The following NASP variants were observed in gnomAD, a reference collection of about 807,000 sequenced individuals.
NASP encodes the protein nuclear autoantigenic sperm protein, also known as NASP histone chaperone.
In NASP, 24 loss-of-function variants were observed where a neutral mutation model predicts 89.5. The observed-to-expected ratio is 0.27, with a 90% confidence interval of 0.19 to 0.38. NASP has a LOEUF of 0.38. NASP is among the 10% of genes least tolerant of loss of function. The pLI is 1.00. For synonymous variants in NASP, 306 were observed against 324.7 expected, an observed-to-expected ratio of 0.94 and a Z score of 0.62; for missense variants, 848 against 921.4, an observed-to-expected ratio of 0.92 and a Z score of 1.03.
At chr1:45,594,973 G>A (rs1213884494) in intron 2 of NASP, among the ~76,000 whole-genome samples, 3 of 152,036 alleles carry the variant, frequency 2.0e-5, no homozygotes, top group Non-Finnish European at 2.9e-5. Flanking sequence ...CCCATTCTGC[G>A]GAACTGCTTA....
Position 45,617,447 on chromosome 1 carries a change from A to G in NASP, c.2158-16A>G. ...CATTAAGCACATTTGTGAAGCCTTC[A>G]CAATTATATCTTTAGAGGAAACCAG... On this transcript the variant is annotated splice_polypyrimidine_tract_variant and intron_variant, in intron 13 of 14. Transcript: ENST00000350030. 6.2e-7 allele frequency: 1 copy of G among 1,607,262 alleles called. No homozygotes were observed. The highest frequency in any genetic ancestry group is 1.3e-5 in the African/African-American group (1 of 74,454).
At position 45,606,508 on chromosome 1, in the gene NASP, C is replaced by T. The variant is rs910075101; in HGVS notation, c.326C>T (p.Ala109Val). The T allele has an allele frequency of 6.2e-7, 1 of 1,613,780 alleles. No individual in the cohort carries two copies. Among genetic ancestry groups the T allele is most frequent in the Non-Finnish European group, 8.5e-7 (1 of 1,179,794 alleles). Residue 109 changes from alanine (A) to valine (V), a missense_variant, in exon 5 of 15, where the codon GCC becomes GTC. Physicochemically the swap from Ala to Val is moderately conservative, Grantham distance 64 (BLOSUM62 0). Transcript: ENST00000350030. The stretch of plus-strand genomic sequence containing the variant: ...ATGGAGAATGGTGTGTTGGGAAACG[C>T]CTTGGAAGGTGTGCATGTGGAAGAG... Reference protein sequence around the residue: ...ARMENGVLGNALEGVHVEEEE... With the variant: ...ARMENGVLGNVLEGVHVEEEE...
rs1557656222 is a variant in NASP at position 45,600,282 on chromosome 1, A to G, written c.108-1973A>G. ...TAAAGTAACAATTATGAGTTTCTAC[A>G]TATGTATACACCTGTAAACCATTAT... On this transcript the variant is annotated intron_variant, in intron 2 of 14. Coordinates refer to ENST00000350030, the MANE Select transcript of NASP (RefSeq NM_002482.4). 7 of 629,554 alleles carry G rather than the reference A, an allele frequency of 1.1e-5. No homozygotes were observed. In the African/African-American group the frequency reaches 1.2e-4, roughly 11 times the overall value. The allele number at this position is 629,554 out of a possible 1,614,324, so 39.0% of individuals were successfully genotyped here.
chr1:45,616,513 C>T, intron 12 of NASP, 113 bp from the exon 13 acceptor site: 1 of 1,492,724 alleles, frequency 6.7e-7, no homozygotes. Flanking sequence ...GAATTCAACA[C>T]TAGCTTGGGC....
chr1:45,585,377 CTT>C (rs919235519), intron 1 of NASP, among the ~76,000 whole-genome samples: 2 of 151,992 alleles, frequency 1.3e-5, no homozygotes, highest in Non-Finnish European at 2.9e-5. Flanking sequence ...ATGATTATGT[CTT>C]TGTTTGTTTA....
intron 4 of NASP, 77 bp from the exon 5 acceptor site, chr1:45,606,390 TGCTTTTATAATATAG>T: frequency 1.2e-6 from 1 of 827,020 alleles, no homozygotes; most frequent in Non-Finnish European, 2.0e-6. Flanking sequence ...TTACACTTCT[TGCTTTTATAATATAG>T]GACTGTATTT....
rs112852947 is a variant in NASP, at chr1:45,587,841, C to T, written c.60-3382C>T. The stretch of plus-strand genomic sequence containing the variant: ...GAGACTACAGTTTACAAAAATTAGC[C>T]GAGCATGGGTAGCAGGGTCCTGTAA... On this transcript the variant is annotated intron_variant, in intron 1 of 14. Transcript: ENST00000350030. 8.2e-4 allele frequency among the ~76,000 whole-genome samples: 124 copies of T among 150,878 alleles called. 1 individual carries two copies. Among genetic ancestry groups the T allele is most frequent in the African/African-American group, 2.9e-3 (121 of 41,062 alleles).
rs185545382 is a variant in NASP at position 45,608,343 on chromosome 1, C to A, written c.1426+6C>A. On this transcript the variant is annotated splice_donor_region_variant and intron_variant, in intron 6 of 14. Coordinates refer to ENST00000350030, the MANE Select transcript of NASP (RefSeq NM_002482.4). The stretch of plus-strand genomic sequence containing the variant: ...ACAGATGAAAGAGGGTGAAGGTAAC[C>A]GGGATATGCAAGAGCTGCAGTGGGT... 3 of 1,596,582 alleles carry A rather than the reference C, an allele frequency of 1.9e-6. No homozygotes were observed. Among genetic ancestry groups the A allele is most frequent in the South Asian group, 2.3e-5 (2 of 88,702 alleles).
At chr1:45,589,976 A>C (rs1227628096) in intron 1 of NASP, among the ~76,000 whole-genome samples, 2 of 152,130 alleles carry the variant, frequency 1.3e-5, no homozygotes, top group African/African-American at 4.8e-5. Context: ...TTTTATTCTG[A>C]TCCAGTAGTC....
In NASP at chr1:45,584,646, T is replaced by C. The variant is rs1290205295; in HGVS notation, c.59+441T>C. 4.2e-5 allele frequency among the ~76,000 whole-genome samples: 5 copies of C among 118,764 alleles called. No homozygotes were observed. The East Asian group carries it at 1.4e-3, about 34-fold the overall frequency. The allele number at this position is 118,764 out of a possible 152,430, so 77.9% of individuals were successfully genotyped here. ...TGGCGCCAAAAGGGAAAAAAAACCT[T>C]GCACGAGGAAGGAGGCTGGACCTGA... On this transcript the variant is annotated intron_variant, in intron 1 of 14. Coordinates refer to ENST00000350030, the MANE Select transcript of NASP (RefSeq NM_002482.4).
intron 1 of NASP, among the ~76,000 whole-genome samples, chr1:45,586,284 G>GTGTGTGT (rs1202771599): frequency 7.0e-5 from 7 of 100,474 alleles, no homozygotes; most frequent in East Asian, 2.7e-4. Flanking sequence ...GTGTGTGTGT[G>GTGTGTGT]GTGTGTGTGT....
Position 45,608,300 on chromosome 1 carries a change from G to A in NASP, c.1389G>A (p.Glu463=). 1 of 1,612,574 alleles carries A rather than the reference G, an allele frequency of 6.2e-7. No individual in the cohort carries two copies. Among genetic ancestry groups the A allele is most frequent in the Non-Finnish European group, 8.5e-7 (1 of 1,179,240 alleles). Residue 463 remains glutamate (E), a synonymous_variant, in exon 6 of 15, where the codon GAG becomes GAA. Transcript: ENST00000350030. ...EDKVQIAANE[E]TQEREEQMKE... ...AAGTTCAGATAGCTGCTAATGAAGAGACACAAGAGAGAGAAGAACAGATGA... is the reference window on the plus strand; with the variant it reads ...AAGTTCAGATAGCTGCTAATGAAGAAACACAAGAGAGAGAAGAACAGATGA...
Position 45,616,654 on chromosome 1 carries a change from C to T in NASP, c.2108C>T (p.Ala703Val), listed in dbSNP as rs764948267. The T allele has an allele frequency of 6.2e-7, 1 of 1,614,158 alleles. No individual in the cohort carries two copies. Among genetic ancestry groups the T allele is most frequent in the Non-Finnish European group, 8.5e-7 (1 of 1,179,990 alleles). ...GCCAGTAGAAAGCCAACAGACGGTGCTTCCTCATCAAATTGTGTGACTGAT... is the reference window on the plus strand; with the variant it reads ...GCCAGTAGAAAGCCAACAGACGGTGTTTCCTCATCAAATTGTGTGACTGAT... ...MIASRKPTDG[A>V]SSSNCVTDIS... Residue 703 changes from alanine (A) to valine (V), a missense_variant, in exon 13 of 15, where the codon GCT (alanine) becomes GTT (valine). Ala to Val is a moderately conservative substitution (Grantham distance 64). This residue lies in a region of NASP where 218 missense variants were observed against 219.6 expected (regional missense o/e 0.99). Coordinates refer to ENST00000350030, the MANE Select transcript of NASP (RefSeq NM_002482.4).
chr1:45,614,464 A>G, intron 9 of NASP, 98 bp downstream of exon 9: 1 of 955,300 alleles, frequency 1.0e-6, no homozygotes, highest in Non-Finnish European at 1.7e-6. Flanking sequence ...TTAAAAAGAT[A>G]GGTCTGTGTT....
intron 7 of NASP, among the ~76,000 whole-genome samples, chr1:45,613,517 C>T (rs1443350211): frequency 1.3e-5 from 2 of 152,196 alleles, no homozygotes; most frequent in African/African-American, 4.8e-5. Context: ...GAATCTCTGT[C>T]TCTGCCCAGG....
chr1:45,610,407 C>T (rs1207536589), intron 6 of NASP: 1 of 152,182 alleles, frequency 6.6e-6, no homozygotes. Context: ...GAGAAGCCTG[C>T]TACCCAAACT....
Position 45,591,231 on chromosome 1 carries a change from A to G in NASP, c.68A>G (p.Asp23Gly). 1 of 1,537,648 alleles carries G rather than the reference A, an allele frequency of 6.5e-7. No individual in the cohort carries two copies. The highest frequency in any genetic ancestry group is 8.7e-7 in the Non-Finnish European group (1 of 1,144,214). ...TTAATTTTTTATTACAGAATTGAAG[A>G]TGTTCCTGCTCCTTCTACATCTGCA... ...AELVSADKIEDVPAPSTSADK... is the reference protein window; with the variant it reads ...AELVSADKIEGVPAPSTSADK... The change falls in exon 2 of 15, where the codon GAT (aspartate) becomes GGT (glycine). Residue 23 changes from aspartate (D) to glycine (G), a missense_variant. Physicochemically the swap from Asp to Gly is moderately conservative, Grantham distance 94. Coordinates refer to ENST00000350030, the MANE Select transcript of NASP (RefSeq NM_002482.4).
chr1:45,607,578 A>G lies in NASP; in HGVS notation c.667A>G (p.Asn223Asp). Residue 223 changes from asparagine to aspartate, a missense_variant, in exon 6 of 15, where the codon AAT (asparagine) becomes GAT (aspartate). Physicochemically the swap from Asn to Asp is conservative, Grantham distance 23. Around this residue, in one of 5 missense-constraint regions of NASP, gnomAD observed 464 missense variants for 469.4 expected, o/e 0.99. Coordinates refer to ENST00000350030, the MANE Select transcript of NASP (RefSeq NM_002482.4). ...AGGAGGAGCAGCACCAGAAGGACCG[A>G]ATGAAGCTGAGGTCACTTCTGGGAA... ...AKGGAAPEGP[N>D]EAEVTSGKPE... The G allele has an allele frequency of 6.2e-7, 1 of 1,613,990 alleles. No homozygotes were observed. Among genetic ancestry groups the G allele is most frequent in the African/African-American group, 1.3e-5 (1 of 75,040 alleles).
At position 45,590,440 on chromosome 1, in the gene NASP, GGCCC is replaced by G. The variant is rs1438983286; in HGVS notation, c.60-782_60-779del. Among the ~76,000 whole-genome samples the G allele has an allele frequency of 4.1e-4, 62 of 151,186 alleles. 1 individual carries two copies. The Middle Eastern group carries it at 0.031, about 76-fold the overall frequency. ...GTGCACAGGCACCGGCCTGGCACCA[GGCCC>G]AGGCTGAGGCAGGAGAATGGCGTGA... is the stretch of plus-strand genomic sequence containing the variant. On this transcript the variant is annotated intron_variant, in intron 1 of 14. Transcript: ENST00000350030.
Sources: allele counts gnomAD v4.1 joint callset (sites outside exome capture counted in the v4.1 genomes callset), GRCh38; gene constraint gnomAD v4.1.1; regional missense constraint gnomAD v4.1.1; transcripts MANE v1.5; gene names NCBI Gene and HGNC (gene_info 2026-07-23, HGNC 2026-07-21).